CACNG3: variants seen among roughly 807,000 people sequenced by gnomAD.
CACNG3 encodes the protein voltage-dependent calcium channel gamma-3 subunit.
CACNG3 carries 3 observed loss-of-function variants against 28.5 expected under a neutral mutation model. That is an observed-to-expected ratio of 0.11 (90% confidence interval 0.05 to 0.27). The LOEUF (loss-of-function observed/expected upper bound fraction) is 0.27, where lower values mean the gene tolerates loss of function less well. Ranked by LOEUF, CACNG3 falls within the 10% of genes least tolerant of loss-of-function variation. CACNG3 has a pLI of 1.00. For missense variants in CACNG3, 236 were observed against 414.4 expected (o/e 0.57, Z 3.74); for synonymous variants, 174 against 162.2 (o/e 1.07, Z -0.55).
chr16:24,341,838 T>C (rs1020794760), intron 1 of CACNG3, among the ~76,000 whole-genome samples: 1 of 152,176 alleles, frequency 6.6e-6, no homozygotes, highest in African/African-American at 2.4e-5. Flanking sequence ...TTACACCCAG[T>C]CTAAAGAGGG....
rs569217397 is a variant in CACNG3 at position 24,307,431 on chromosome 16, C to T, written c.212-39303C>T. On this transcript the variant is annotated intron_variant, in intron 1 of 3. Transcript: ENST00000005284. ...GCCACTTCAGCCAGCTTCCAAATGC[C>T]ATCTTGACTCGAGTCTCCACAGGAC... Among the ~76,000 whole-genome samples the T allele has an allele frequency of 2.0e-5, 3 of 152,200 alleles. No homozygotes were observed. In the South Asian group the frequency reaches 6.2e-4, roughly 32 times the overall value.
At chr16:24,335,732 G>A (rs1410786820) in intron 1 of CACNG3, among the ~76,000 whole-genome samples, 1 of 152,040 alleles carries the variant, frequency 6.6e-6, no homozygotes, top group Non-Finnish European at 1.5e-5. Flanking sequence ...CCTTACCCAA[G>A]GCCTGACAGA....
At chr16:24,310,119 A>T (rs1899240280) in intron 1 of CACNG3, among the ~76,000 whole-genome samples, 1 of 152,242 alleles carries the variant, frequency 6.6e-6, no homozygotes, top group Non-Finnish European at 1.5e-5. Context: ...GGCTTGGGCC[A>T]GCATGAGGGA....
At chr16:24,358,224 G>A (rs533815991) in intron 3 of CACNG3, among the ~76,000 whole-genome samples, 1 of 152,352 alleles carries the variant, frequency 6.6e-6, no homozygotes, top group South Asian at 2.1e-4. Flanking sequence ...CCTACTACGT[G>A]TCAGATACTA....
intron 1 of CACNG3, among the ~76,000 whole-genome samples, chr16:24,257,928 T>C (rs1020200030): frequency 1.3e-5 from 2 of 152,166 alleles, no homozygotes; most frequent in Non-Finnish European, 2.9e-5. Context: ...TGGATATCAC[T>C]GGGAGTAAAT....
At chr16:24,270,135 C>T (rs1053979364) in intron 1 of CACNG3, among the ~76,000 whole-genome samples, 2 of 152,000 alleles carry the variant, frequency 1.3e-5, no homozygotes, top group African/African-American at 4.8e-5. Flanking sequence ...TGCATAGCTG[C>T]CCTGGAATAC....
intron 1 of CACNG3, among the ~76,000 whole-genome samples, chr16:24,271,238 T>C (rs1429868990): frequency 6.6e-6 from 1 of 152,224 alleles, no homozygotes; most frequent in Non-Finnish European, 1.5e-5. Context: ...ACTTTAGCTC[T>C]AGGCTTTTAA....
At position 24,347,817 on chromosome 16, in the gene CACNG3, C is replaced by A. The variant is rs541104934; in HGVS notation, c.295+1000C>A. On this transcript the variant is annotated intron_variant, in intron 2 of 3. Transcript: ENST00000005284. ...TTTGACCCTTGTTTGACTCTACTAG[C>A]TGGGTTGGACTTGAGGCAAGGGGCT... 1.2e-4 allele frequency among the ~76,000 whole-genome samples: 18 copies of A among 152,342 alleles called. 1 individual carries two copies. Among genetic ancestry groups the A allele is most frequent in the Middle Eastern group, 6.8e-3 (2 of 294 alleles).
intron 1 of CACNG3, among the ~76,000 whole-genome samples, chr16:24,323,729 A>C (rs982759364): frequency 6.6e-6 from 1 of 152,222 alleles, no homozygotes; most frequent in Non-Finnish European, 1.5e-5. Flanking sequence ...AGGGAAGAAG[A>C]ATAAAACTTA....
chr16:24,297,319 C>T lies in CACNG3; in HGVS notation c.211+40354C>T, dbSNP rs1258447165. ...ATAAATAAAAATACTGATGTCTGTC[C>T]CCCTCCTCCAGACCAATTTAAACAA... On this transcript the variant is annotated intron_variant, in intron 1 of 3. Transcript: ENST00000005284. 2.6e-5 allele frequency among the ~76,000 whole-genome samples: 4 copies of T among 151,500 alleles called. No individual in the cohort carries two copies. The East Asian group carries it at 7.7e-4, about 29-fold the overall frequency.
chr16:24,327,105 GC>G (rs1434310201), intron 1 of CACNG3, among the ~76,000 whole-genome samples: 6 of 112,664 alleles, frequency 5.3e-5, no homozygotes, highest in Non-Finnish European at 1.6e-5. Flanking sequence ...CTAAGGAGTG[GC>G]CAAGGCAGGG....
rs2081326146 is a variant in CACNG3, at chr16:24,320,751, A to G, written c.212-25983A>G. On this transcript the variant is annotated intron_variant, in intron 1 of 3. Coordinates refer to ENST00000005284, the MANE Select transcript of CACNG3 (RefSeq NM_006539.4). The stretch of plus-strand genomic sequence containing the variant: ...TCTTATTTTATTTTATTTTTTAGGG[A>G]TGCAGTCTTGCTCTGTAGTCCAGGC... Among the ~76,000 whole-genome samples the G allele has an allele frequency of 2.6e-5, 4 of 152,122 alleles. No individual in the cohort carries two copies. In the South Asian group the frequency reaches 6.2e-4, roughly 24 times the overall value.
chr16:24,273,185 G>A (rs1319504450), intron 1 of CACNG3, among the ~76,000 whole-genome samples: 1 of 152,176 alleles, frequency 6.6e-6, no homozygotes, highest in African/African-American at 2.4e-5. Flanking sequence ...CAGAGATACT[G>A]CTGTCTCCCC....
Position 24,354,847 on chromosome 16 carries a change from T to A in CACNG3, c.310T>A (p.Ser104Thr), listed in dbSNP as rs775995807. 3 of 1,612,170 alleles carry A rather than the reference T, an allele frequency of 1.9e-6. No homozygotes were observed. ...TCTCTCCGCAGGAGCTGTGAGGGCC[T>A]CCAGTGTCTTCCCCATCCTCAGTGT... ...AEYLLRAVRA[S>T]SVFPILSVTL... is the part of the protein sequence containing the mutation. Residue 104 changes from serine to threonine, a missense_variant, in exon 3 of 4, where the codon TCC (serine) becomes ACC (threonine). By Grantham distance (58) the Ser-to-Thr change is moderately conservative. Transcript: ENST00000005284.
intron 2 of CACNG3, among the ~76,000 whole-genome samples, chr16:24,351,916 CG>C (rs1056502393): frequency 3.4e-4 from 51 of 150,112 alleles, no homozygotes; most frequent in Non-Finnish European, 6.2e-4. Flanking sequence ...CCCGGGTTCA[CG>C]CCATTCTCCT....
chr16:24,351,090 G>T (rs2141381883), intron 2 of CACNG3, among the ~76,000 whole-genome samples: 1 of 152,286 alleles, frequency 6.6e-6, no homozygotes, highest in African/African-American at 2.4e-5. Flanking sequence ...TTTGCAGCAG[G>T]CCAGAACTCA....
At chr16:24,276,202 A>G (rs1212318116) in intron 1 of CACNG3, among the ~76,000 whole-genome samples, 6 of 152,226 alleles carry the variant, frequency 3.9e-5, no homozygotes, top group African/African-American at 1.2e-4. Context: ...CAAAAGCGTA[A>G]AAACAATTCT....
chr16:24,315,121 GC>G (rs1299578778), intron 1 of CACNG3, among the ~76,000 whole-genome samples: 1 of 152,132 alleles, frequency 6.6e-6, no homozygotes, highest in Non-Finnish European at 1.5e-5. Flanking sequence ...CATCCCTGGT[GC>G]CTTTGCAATG....
chr16:24,294,874 G>A (rs2238509), intron 1 of CACNG3, among the ~76,000 whole-genome samples: 120,030 of 152,098 alleles, frequency 0.79, 48,069 homozygotes, highest in African/African-American at 0.94. Flanking sequence ...ATTAAATGAG[G>A]TAATAGGTGT....
Sources: gnomAD v4.1 joint callset for allele counts (sites outside exome capture counted in the v4.1 genomes callset) on GRCh38, gnomAD v4.1.1 for gene constraint, MANE v1.5 for transcripts, NCBI Gene and HGNC (gene_info 2026-07-23, HGNC 2026-07-21) for gene names.